MANSC4: variants seen among roughly 807,000 people sequenced by gnomAD.
MANSC4 encodes the protein MANSC domain-containing protein 4.
In MANSC4, 11 loss-of-function variants were observed where a neutral mutation model predicts 11.4. That is an observed-to-expected ratio of 0.97 (90% CI 0.61 to 1.60). The LOEUF (loss-of-function observed/expected upper bound fraction) is 1.60, where lower values mean the gene tolerates loss of function less well. Among genes scored for constraint, MANSC4 ranks in the 40% most tolerant of loss-of-function variants. The probability of loss-of-function intolerance (pLI) is 0.00; values close to 1 mark genes in which losing one functional copy is unlikely to be tolerated. For missense variants in MANSC4, 354 were observed against 404.6 expected (o/e 0.88, Z 1.07); for synonymous variants, 123 against 147.1 (o/e 0.84, Z 1.19).
At chr12:27,768,972 G>A (rs1348662414) in intron 2 of MANSC4, among the ~76,000 whole-genome samples, 3 of 152,068 alleles carry the variant, frequency 2.0e-5, no homozygotes, top group Non-Finnish European at 2.9e-5. Context: ...GCCAGCATCC[G>A]GTTACCAGAC....
At chr12:27,774,908 C>G (rs1388255122) in intron 1 of MANSC4, among the ~76,000 whole-genome samples, 1 of 152,052 alleles carries the variant, frequency 6.6e-6, no homozygotes, top group Non-Finnish European at 1.5e-5. Context: ...CCTGTAGTCC[C>G]AGCTACTCGG....
At chr12:27,764,303 G>A (rs974657790) in intron 3 of MANSC4, among the ~76,000 whole-genome samples, 18 of 151,948 alleles carry the variant, frequency 1.2e-4, no homozygotes, top group African/African-American at 3.1e-4. Flanking sequence ...TTCTCTCTGC[G>A]CAAACATGCC....
chr12:27,773,317 T>C (rs2062107595), intron 1 of MANSC4, among the ~76,000 whole-genome samples: 1 of 152,186 alleles, frequency 6.6e-6, no homozygotes, highest in South Asian at 2.1e-4. Flanking sequence ...TTGCATTGTC[T>C]GGAAATGGAT....
At chr12:27,777,930 A>G (rs572068373) in intron 1 of MANSC4, among the ~76,000 whole-genome samples, 9 of 152,158 alleles carry the variant, frequency 5.9e-5, no homozygotes, top group African/African-American at 1.7e-4. Flanking sequence ...GGAAAAAAAA[A>G]ATGCATTTTT....
rs1445457028 is a variant in MANSC4 at position 27,763,226 on chromosome 12, G to T, written c.535C>A (p.His179Asn). 11 of 1,551,562 alleles carry T rather than the reference G, an allele frequency of 7.1e-6. No individual in the cohort carries two copies. Among genetic ancestry groups the T allele is most frequent in the Non-Finnish European group, 9.6e-6 (11 of 1,147,008 alleles). Residue 179 changes from histidine to asparagine, a missense_variant, in exon 4 of 4, where the codon CAT (histidine) becomes AAT (asparagine). Physicochemically the swap from His to Asn is moderately conservative, Grantham distance 68. Transcript: ENST00000381273. The part of the protein sequence containing the change: ...PSTEAPSSTT[H>N]QDLVVNTNST... ...TTTGTGTTTACAACCAAATCTTGAT[G>T]CGTGGTTGAGGATGGAGCCTCTGTG...
At position 27,762,581 on chromosome 12, in the gene MANSC4, G is replaced by T. The variant is rs1039968235; in HGVS notation, c.*157C>A. ...GCCCAGGCTGGTCTCGAACTCCTGG[G>T]CTCAAGCAAATCTACTGCCTTGGCT... On this transcript the variant is annotated 3_prime_UTR_variant, in exon 4 of 4. Coordinates refer to ENST00000381273, the MANE Select transcript of MANSC4 (RefSeq NM_001146221.5). Among the ~76,000 whole-genome samples, 1 of 151,878 alleles carries T rather than the reference G, an allele frequency of 6.6e-6. No homozygotes were observed. The highest frequency in any genetic ancestry group is 2.4e-5 in the African/African-American group (1 of 41,386).
chr12:27,778,558 G>A (rs946704967), intron 1 of MANSC4, among the ~76,000 whole-genome samples: 6 of 151,146 alleles, frequency 4.0e-5, no homozygotes, highest in African/African-American at 7.3e-5. Flanking sequence ...GCTGAAGCTT[G>A]TAATAATAAA....
Position 27,773,055 on chromosome 12 carries a change from A to G in MANSC4, c.-306-1473T>C, listed in dbSNP as rs116426599. On this transcript the variant is annotated intron_variant, in intron 1 of 3. Coordinates refer to ENST00000381273, the MANE Select transcript of MANSC4 (RefSeq NM_001146221.5). ...AAAGTTTCATTTTAAAGGACCTAGA[A>G]GTCTTGGCCAGGCGGGGTGGCTAAT... Among the ~76,000 whole-genome samples, 415 of 152,326 alleles carry G rather than the reference A, an allele frequency of 2.7e-3. 1 individual carries two copies. The highest frequency in any genetic ancestry group is 9.6e-3 in the African/African-American group (398 of 41,568).
At chr12:27,772,206 A>G (rs2062103763) in intron 1 of MANSC4, among the ~76,000 whole-genome samples, 1 of 152,236 alleles carries the variant, frequency 6.6e-6, no homozygotes, top group South Asian at 2.1e-4. Context: ...TGGGTTTCAT[A>G]TCCTGTGACA....
chr12:27,779,443 C>A (rs953599503), intron 1 of MANSC4, among the ~76,000 whole-genome samples: 2 of 152,158 alleles, frequency 1.3e-5, no homozygotes, highest in African/African-American at 4.8e-5. Flanking sequence ...GAATAAGGGG[C>A]CCCAGTGGCA....
intron 1 of MANSC4, among the ~76,000 whole-genome samples, chr12:27,775,288 A>G (rs942629657): frequency 5.9e-5 from 9 of 152,106 alleles, no homozygotes; most frequent in Non-Finnish European, 1.3e-4. Flanking sequence ...GTTCAAACCA[A>G]TGGTCTTGGC....
chr12:27,779,031 G>T (rs2062131898), intron 1 of MANSC4, among the ~76,000 whole-genome samples: 4 of 152,212 alleles, frequency 2.6e-5, no homozygotes, highest in Admixed American at 6.5e-5. Context: ...ACCACGCCCG[G>T]CTAATTTTTG....
intron 1 of MANSC4, among the ~76,000 whole-genome samples, chr12:27,778,182 A>T (rs2062126480): frequency 6.6e-6 from 1 of 150,864 alleles, no homozygotes; most frequent in African/African-American, 2.4e-5. Context: ...CTGAGATCGC[A>T]GCATTGCACT....
At chr12:27,776,084 GTCTC>G (rs2062118889) in intron 1 of MANSC4, among the ~76,000 whole-genome samples, 1 of 98,660 alleles carries the variant, frequency 1.0e-5, no homozygotes, top group South Asian at 3.1e-4. Context: ...GAGCGAGACT[GTCTC>G]AAAAAAAAAA....
At chr12:27,769,599 G>A (rs1387805717) in intron 2 of MANSC4, among the ~76,000 whole-genome samples, 1 of 152,180 alleles carries the variant, frequency 6.6e-6, no homozygotes, top group Non-Finnish European at 1.5e-5. Context: ...GGACTTACGG[G>A]AGTTAAAAGC....
intron 1 of MANSC4, among the ~76,000 whole-genome samples, chr12:27,772,561 A>G (rs1235935066): frequency 6.6e-6 from 1 of 152,238 alleles, no homozygotes; most frequent in Non-Finnish European, 1.5e-5. Flanking sequence ...TTTAAATATG[A>G]AACACTTCAT....
At position 27,771,169 on chromosome 12, in the gene MANSC4, A is replaced by T; in HGVS notation, c.108T>A (p.Arg36=). The T allele has an allele frequency of 6.4e-7, 1 of 1,552,074 alleles. No homozygotes were observed. Among genetic ancestry groups the T allele is most frequent in the Non-Finnish European group, 8.7e-7 (1 of 1,147,074 alleles). The change falls in exon 2 of 4, where the codon CGT becomes CGA. Residue 36 remains arginine (R), a synonymous_variant. Transcript: ENST00000381273. The part of the protein sequence containing the change: ...PTIFYRDCWI[R]RFPGLLINLE... ...GATTGATTAGAAGACCTGGGAAGCG[A>T]CGGATCCAGCAGTCTCTGTAAAAAA...
At chr12:27,775,024 AAAAT>A (rs71039849) in intron 1 of MANSC4, among the ~76,000 whole-genome samples, 37,863 of 112,022 alleles carry the variant, frequency 0.34, 5,156 homozygotes, top group Non-Finnish European at 0.39. Flanking sequence ...ATTCCGTCTC[AAAAT>A]AAATAAATAA....
At position 27,771,523 on chromosome 12, in the gene MANSC4, C is replaced by G. The variant is rs1354011745; in HGVS notation, c.-247G>C. Among the ~76,000 whole-genome samples the G allele has an allele frequency of 6.6e-6, 1 of 152,204 alleles. No homozygotes were observed. Among genetic ancestry groups the G allele is most frequent in the Non-Finnish European group, 1.5e-5 (1 of 68,032 alleles). ...TTTCTGAACACTTTCCAGGCTATTT[C>G]AATACCCTGTCCCTTAGCATCTTAA... On this transcript the variant is annotated 5_prime_UTR_variant, in exon 2 of 4. Coordinates refer to ENST00000381273, the MANE Select transcript of MANSC4 (RefSeq NM_001146221.5).
Sources: allele counts gnomAD v4.1 joint callset (sites outside exome capture counted in the v4.1 genomes callset), GRCh38; gene constraint gnomAD v4.1.1; transcripts MANE v1.5; gene names NCBI Gene and HGNC (gene_info 2026-07-23, HGNC 2026-07-21).